Variants in NTNG2 observed in about 807,000 individuals in gnomAD.
NTNG2 encodes the protein netrin-G2.
In NTNG2, 15 loss-of-function variants were observed where a neutral mutation model predicts 47.6. The ratio of observed to expected loss-of-function variants is 0.32; its 90% CI spans 0.21 to 0.49. NTNG2 has a LOEUF of 0.49. Among genes scored for constraint, NTNG2 ranks in the 20% least tolerant of loss-of-function variants. NTNG2 has a pLI of 0.99. For missense variants in NTNG2, 578 were observed against 764.6 expected, an observed-to-expected ratio of 0.76 and a Z score of 2.88; for synonymous variants, 307 against 324.6, an observed-to-expected ratio of 0.95 and a Z score of 0.58.
At position 132,218,474 on chromosome 9, in the gene NTNG2, C is replaced by T. The variant is rs1840132876; in HGVS notation, c.858-8375C>T. 7.4e-6 allele frequency among the ~76,000 whole-genome samples: 1 copy of T among 135,048 alleles called. No individual in the cohort carries two copies. Among genetic ancestry groups the T allele is most frequent in the African/African-American group, 2.8e-5 (1 of 35,164 alleles). 88.6% of individuals were successfully genotyped at this position (135,048 alleles called of 152,430 possible). ...CTTCCTTTGAGGCACAATGTGATAG[C>T]GTTTTGTTTTTTTGTTTTTTTTGTT... On this transcript the variant is annotated intron_variant, in intron 3 of 7. Transcript: ENST00000393229. The surrounding 1 kb of genome is among the most constrained non-coding windows in gnomAD (Gnocchi z 5.4).
chr9:132,207,614 A>G (rs183721622), intron 3 of NTNG2, among the ~76,000 whole-genome samples: 1 of 152,306 alleles, frequency 6.6e-6, no homozygotes. Flanking sequence ...GGTCACATTC[A>G]TAGGCACTGG....
In NTNG2 at chr9:132,228,057, G is replaced by A. The variant is rs748800790; in HGVS notation, c.1030+1036G>A. 8.5e-5 allele frequency among the ~76,000 whole-genome samples: 13 copies of A among 152,214 alleles called. No homozygotes were observed. In the East Asian group the frequency reaches 1.3e-3, roughly 16 times the overall value. On this transcript the variant is annotated intron_variant, in intron 4 of 7. Coordinates refer to ENST00000393229, the MANE Select transcript of NTNG2 (RefSeq NM_032536.4). ...AGCAGACTGAGGCCCAGCGAACCTC[G>A]GGGCCCTCCCAGGTTTCACAGTGAG... is the stretch of plus-strand genomic sequence containing the variant.
intron 4 of NTNG2, among the ~76,000 whole-genome samples, chr9:132,230,103 G>A (rs766052644): frequency 4.6e-5 from 7 of 152,260 alleles, no homozygotes; most frequent in Non-Finnish European, 7.3e-5. Context: ...CACGTGGGAC[G>A]CACTCCACCC....
chr9:132,230,466 G>C, intron 4 of NTNG2, 106 bp from the exon 5 acceptor site: 1 of 998,652 alleles, frequency 1.0e-6, no homozygotes, highest in Non-Finnish European at 1.5e-6. Flanking sequence ...TCTTGAGGGA[G>C]CGACACCTCC....
At chr9:132,181,500 T>C (rs934575002) in intron 2 of NTNG2, among the ~76,000 whole-genome samples, 1 of 152,062 alleles carries the variant, frequency 6.6e-6, no homozygotes, top group African/African-American at 2.4e-5. Context: ...TTTGTATTTT[T>C]AGTAGAGACA....
chr9:132,204,927 A>G (rs1589458613), intron 3 of NTNG2, among the ~76,000 whole-genome samples: 2 of 152,182 alleles, frequency 1.3e-5, no homozygotes, highest in East Asian at 3.8e-4. Context: ...AACAAAATAG[A>G]TGGAGGTACC....
rs909675785 is a variant in NTNG2 at position 132,236,369 on chromosome 9, A to T, written c.1055-2735A>T. On this transcript the variant is annotated intron_variant, in intron 5 of 7. Coordinates refer to ENST00000393229, the MANE Select transcript of NTNG2 (RefSeq NM_032536.4). This position sits in a 1 kb window ranked among gnomAD's most constrained non-coding sequence, Gnocchi z 4.3. ...AGACACAGGGCTCATCTGTAGCCAT[A>T]GACAGACATGCCAAGGAAACGCGCA... Among the ~76,000 whole-genome samples the T allele has an allele frequency of 6.6e-6, 1 of 152,200 alleles. No individual in the cohort carries two copies. The highest frequency in any genetic ancestry group is 1.5e-5 in the Non-Finnish European group (1 of 68,026).
chr9:132,176,856 A>G (rs575799377), intron 2 of NTNG2, among the ~76,000 whole-genome samples: 2 of 152,100 alleles, frequency 1.3e-5, no homozygotes, highest in South Asian at 4.1e-4. Context: ...AACACTTGTT[A>G]TTTTCTGGTT....
chr9:132,240,687 G>C, intron 6 of NTNG2: 1 of 630,864 alleles, frequency 1.6e-6, no homozygotes, highest in South Asian at 1.9e-5. Flanking sequence ...GTGGGGCTGG[G>C]ACGTGTTTGA....
rs749756559 is a variant in NTNG2 at position 132,189,068 on chromosome 9, CTTTTTTTTT to C, written c.214-8879_214-8871del. Among the ~76,000 whole-genome samples the C allele has an allele frequency of 3.6e-4, 34 of 93,232 alleles. 3 individuals carry two copies. The highest frequency in any genetic ancestry group is 5.4e-4 in the Non-Finnish European group (26 of 48,532). The allele number at this position is 93,232 out of a possible 152,430, so 61.2% of individuals were successfully genotyped here. A position where few individuals can be genotyped will look rare whatever the true frequency, so the allele number is the denominator to read the frequency against. On this transcript the variant is annotated intron_variant, in intron 2 of 7. Coordinates refer to ENST00000393229, the MANE Select transcript of NTNG2 (RefSeq NM_032536.4). ...TATGTGAAAAAGGCTTTAAGCCTTT[CTTTTTTTTT>C]TTTTTTTTTTTTTTTTTTAGACAGG...
At chr9:132,227,131 A>G (rs1338142688) in intron 4 of NTNG2, 110 bp downstream of exon 4, 1 of 1,178,742 alleles carries the variant, frequency 8.5e-7, no homozygotes, top group East Asian at 2.6e-5. Flanking sequence ...ACACAGGCAC[A>G]TACGTGTGCA....
In NTNG2 at chr9:132,242,231, C is replaced by A; in HGVS notation, c.*120C>A. On this transcript the variant is annotated 3_prime_UTR_variant, in exon 8 of 8. Coordinates refer to ENST00000393229, the MANE Select transcript of NTNG2 (RefSeq NM_032536.4). This position sits in a 1 kb window ranked among gnomAD's most constrained non-coding sequence, Gnocchi z 5.9. ...CGGCCCGAGGTGCTCCCAGGTGCTACTCAGCAGGGCCCCCCGCCCGGCCCG... is the reference window on the plus strand; with the variant it reads ...CGGCCCGAGGTGCTCCCAGGTGCTAATCAGCAGGGCCCCCCGCCCGGCCCG... 1 of 306,212 alleles carries A rather than the reference C, an allele frequency of 3.3e-6. No individual in the cohort carries two copies. Among genetic ancestry groups the A allele is most frequent in the Non-Finnish European group, 5.0e-6 (1 of 200,606 alleles). 19.0% of individuals were successfully genotyped at this position (306,212 alleles called of 1,614,324 possible).
intron 2 of NTNG2, among the ~76,000 whole-genome samples, chr9:132,185,387 A>AG (rs1837284329): frequency 6.6e-6 from 1 of 152,124 alleles, no homozygotes; most frequent in Non-Finnish European, 1.5e-5. Flanking sequence ...CGCCCCAGCC[A>AG]GGGGGGCCTG....
intron 2 of NTNG2, among the ~76,000 whole-genome samples, chr9:132,174,900 C>T (rs796069277): frequency 2.5e-4 from 29 of 117,964 alleles, no homozygotes; most frequent in African/African-American, 9.5e-4. Context: ...CCAGCCTGGG[C>T]GACAGAGCAA....
rs1031991748 is a variant in NTNG2, at chr9:132,182,181, C to T, written c.213+15137C>T. Among the ~76,000 whole-genome samples, 5 of 152,376 alleles carry T rather than the reference C, an allele frequency of 3.3e-5. No individual in the cohort carries two copies. The highest frequency in any genetic ancestry group is 2.1e-4 in the South Asian group (1 of 4,834). The stretch of plus-strand genomic sequence containing the variant: ...CTATTTGGCAGCGAGCGTGCTCCCA[C>T]GCACCAGCTCTGGGGAAGGCGAGAT... On this transcript the variant is annotated intron_variant, in intron 2 of 7. Transcript: ENST00000393229. This position sits in a 1 kb window ranked among gnomAD's most constrained non-coding sequence, Gnocchi z 4.2.
intron 5 of NTNG2, chr9:132,232,739 T>A (rs1213101367): frequency 1.3e-5 from 2 of 152,244 alleles, no homozygotes; most frequent in Admixed American, 1.3e-4. Flanking sequence ...TGGGGACTCC[T>A]GGCCCCTTGG....
intron 2 of NTNG2, among the ~76,000 whole-genome samples, chr9:132,178,929 T>C (rs1225905364): frequency 7.6e-6 from 1 of 131,264 alleles, no homozygotes; most frequent in African/African-American, 3.0e-5. Flanking sequence ...GCCACTGCAC[T>C]CCAGCCTGCA....
chr9:132,185,176 T>A (rs991776683), intron 2 of NTNG2, among the ~76,000 whole-genome samples: 1 of 152,178 alleles, frequency 6.6e-6, no homozygotes, highest in African/African-American at 2.4e-5. Context: ...GGGACCAGGC[T>A]TCACTCTCAG....
chr9:132,162,557 A>T lies in NTNG2; in HGVS notation c.-484+318A>T, dbSNP rs868093734. Among the ~76,000 whole-genome samples, 69 of 83,620 alleles carry T rather than the reference A, an allele frequency of 8.3e-4. 1 individual carries two copies. The highest frequency in any genetic ancestry group is 5.7e-3 in the Middle Eastern group (1 of 176). The allele number at this position is 83,620 out of a possible 152,430, so 54.9% of individuals were successfully genotyped here. On this transcript the variant is annotated intron_variant, in intron 1 of 7. Coordinates refer to ENST00000393229, the MANE Select transcript of NTNG2 (RefSeq NM_032536.4). The surrounding 1 kb of genome is among the most constrained non-coding windows in gnomAD (Gnocchi z 4.6). ...GAGAGTGTGTGTGTGTGTGTGTGTG[A>T]GAGAGAGACAGAGTGTGTGTGTGTG...
Sources: gnomAD v4.1 joint callset for allele counts (sites outside exome capture counted in the v4.1 genomes callset) on GRCh38, gnomAD v4.1.1 for gene constraint, Gnocchi (gnomAD v3.1) non-coding constraint, MANE v1.5 for transcripts, NCBI Gene and HGNC (gene_info 2026-07-23, HGNC 2026-07-21) for gene names.